Variants in SH3RF3 observed in about 807,000 individuals in gnomAD.
The protein encoded by SH3RF3 is SH3 domain containing ring finger 3.
SH3RF3 carries 29 observed loss-of-function variants against 66.3 expected under a neutral mutation model. The observed-to-expected ratio is 0.44, with a 90% CI of 0.33 to 0.60. The LOEUF (loss-of-function observed/expected upper bound fraction) is 0.60, where lower values mean the gene tolerates loss of function less well. Ranked by LOEUF, SH3RF3 falls within the 20% of genes least tolerant of loss-of-function variation. The probability of loss-of-function intolerance (pLI) is 0.04; values close to 1 mark genes in which losing one functional copy is unlikely to be tolerated. For missense variants in SH3RF3, 1,194 were observed against 1,190.9 expected (o/e 1.00, Z -0.04); for synonymous variants, 583 against 532.0 (o/e 1.10, Z -1.32).
rs1354158967 is a variant in SH3RF3, at chr2:109,249,566, TCC to T, written c.574-98107_574-98106del. 6.4e-4 allele frequency among the ~76,000 whole-genome samples: 89 copies of T among 139,884 alleles called. 1 individual carries two copies. Among genetic ancestry groups the T allele is most frequent in the South Asian group, 1.3e-3 (6 of 4,454 alleles). 91.8% of individuals were successfully genotyped at this position (139,884 alleles called of 152,430 possible). A position where few individuals can be genotyped will look rare whatever the true frequency, so the allele number is the denominator to read the frequency against. On this transcript the variant is annotated intron_variant, in intron 1 of 9. Coordinates refer to ENST00000309415, the MANE Select transcript of SH3RF3 (RefSeq NM_001099289.3). Reference sequence around the variant, plus strand: ...TTCCTTCCTTCCTTCCTTCCTTCCTTCCTTCCTTCCTTCCTTCCTTTCCTTTC... The same window carrying T: ...TTCCTTCCTTCCTTCCTTCCTTCCTTTTCCTTCCTTCCTTCCTTTCCTTTC...
chr2:109,485,768 TC>T (rs1341612299), intron 8 of SH3RF3, among the ~76,000 whole-genome samples: 3 of 152,256 alleles, frequency 2.0e-5, no homozygotes, highest in African/African-American at 7.2e-5. Context: ...TGGATATAAC[TC>T]ATAAGCTCTC....
At chr2:109,391,377 A>G (rs1573214185) in intron 3 of SH3RF3, among the ~76,000 whole-genome samples, 2 of 152,190 alleles carry the variant, frequency 1.3e-5, no homozygotes, top group Non-Finnish European at 2.9e-5. Context: ...CACATCTGCC[A>G]TGTGCTGGAG....
chr2:109,266,908 C>T (rs1045868534), intron 1 of SH3RF3, among the ~76,000 whole-genome samples: 52 of 152,300 alleles, frequency 3.4e-4, no homozygotes, highest in African/African-American at 1.2e-3. Context: ...TGATGTATGT[C>T]CCTGAGCAGG....
chr2:109,395,253 G>A (rs1472206681), intron 3 of SH3RF3, among the ~76,000 whole-genome samples: 1 of 152,136 alleles, frequency 6.6e-6, no homozygotes, highest in Non-Finnish European at 1.5e-5. Context: ...TGTGTGTAGA[G>A]ATGCATCTGC....
At chr2:109,325,397 A>C (rs1360897431) in intron 1 of SH3RF3, among the ~76,000 whole-genome samples, 1 of 124,504 alleles carries the variant, frequency 8.0e-6, no homozygotes, top group Non-Finnish European at 1.6e-5. Context: ...GCTGGAGTAC[A>C]GTGGTGTGAT....
At chr2:109,188,190 G>A (rs1678247670) in intron 1 of SH3RF3, among the ~76,000 whole-genome samples, 1 of 152,224 alleles carries the variant, frequency 6.6e-6, no homozygotes, top group Middle Eastern at 3.2e-3. Flanking sequence ...CTTGCTCCCT[G>A]GGCCCGAAGG....
chr2:109,306,317 T>A (rs1362971445), intron 1 of SH3RF3, among the ~76,000 whole-genome samples: 1 of 152,188 alleles, frequency 6.6e-6, no homozygotes, highest in Non-Finnish European at 1.5e-5. Context: ...TGCGATGTTG[T>A]TCTGACCCCT....
intron 1 of SH3RF3, among the ~76,000 whole-genome samples, chr2:109,216,202 A>G (rs1679098220): frequency 6.6e-6 from 1 of 152,192 alleles, no homozygotes; most frequent in South Asian, 2.1e-4. Context: ...GCACCTGCCC[A>G]TCATTGCATC....
intron 3 of SH3RF3, among the ~76,000 whole-genome samples, chr2:109,384,769 C>G (rs1675780456): frequency 6.6e-6 from 1 of 152,158 alleles, no homozygotes. Context: ...GTTTCGAGCT[C>G]TGGTCATAGG....
chr2:109,459,274 ATACT>A (rs1273560315), intron 8 of SH3RF3, among the ~76,000 whole-genome samples: 27 of 152,296 alleles, frequency 1.8e-4, no homozygotes, highest in East Asian at 1.2e-3. Context: ...ATAGGAGGAA[ATACT>A]TACAACAGTT....
chr2:109,479,926 C>T (rs564331682), intron 8 of SH3RF3, among the ~76,000 whole-genome samples: 1 of 152,238 alleles, frequency 6.6e-6, no homozygotes, highest in South Asian at 2.1e-4. Flanking sequence ...TGCTCCAGCC[C>T]AGCCCGGTTT....
intron 1 of SH3RF3, among the ~76,000 whole-genome samples, chr2:109,301,839 G>A (rs1375669399): frequency 6.6e-6 from 1 of 152,140 alleles, no homozygotes; most frequent in Non-Finnish European, 1.5e-5. Flanking sequence ...TGCCTCTTTA[G>A]CATGTTTGAG....
Position 109,490,743 on chromosome 2 carries a change from G to A in SH3RF3, c.2287G>A (p.Glu763Lys), listed in dbSNP as rs765405754. The A allele has an allele frequency of 4.1e-5, 63 of 1,536,230 alleles. No homozygotes were observed. Among genetic ancestry groups the A allele is most frequent in the East Asian group, 1.2e-4 (5 of 40,866 alleles). Reference protein sequence around the residue: ...DALLQGAVGPEVSSLSIHGRA... With the variant: ...DALLQGAVGPKVSSLSIHGRA... ...CCTGCTCCAAGGTGCAGTGGGCCCC[G>A]AAGTGTCCTCACTGTCCATCCACGG... is the stretch of plus-strand genomic sequence containing the variant. The change falls in exon 9 of 10, where the codon GAA (glutamate) becomes AAA (lysine). Residue 763 changes from glutamate (E) to lysine (K), a missense_variant. Glu to Lys is a moderately conservative substitution (Grantham distance 56). Transcript: ENST00000309415.
At chr2:109,378,957 T>A (rs929309397) in intron 3 of SH3RF3, among the ~76,000 whole-genome samples, 1 of 152,198 alleles carries the variant, frequency 6.6e-6, no homozygotes, top group East Asian at 1.9e-4. Context: ...TCTCTACAGC[T>A]CCCTCCTCTC....
chr2:109,202,933 A>G (rs1009840382), intron 1 of SH3RF3, among the ~76,000 whole-genome samples: 5 of 152,242 alleles, frequency 3.3e-5, no homozygotes, highest in Non-Finnish European at 7.3e-5. Context: ...GTGTCATGGA[A>G]GGAATGCAAA....
intron 1 of SH3RF3, among the ~76,000 whole-genome samples, chr2:109,279,920 TGGG>T (rs1680843615): frequency 6.7e-6 from 1 of 149,662 alleles, no homozygotes; most frequent in East Asian, 2.0e-4. Context: ...GGGAGGTAAT[TGGG>T]GGGCGGTAAG....
intron 1 of SH3RF3, among the ~76,000 whole-genome samples, chr2:109,294,350 C>G: frequency 6.6e-6 from 1 of 152,134 alleles, no homozygotes; most frequent in Non-Finnish European, 1.5e-5. Context: ...CGCTTGAGTC[C>G]AGGAGCTCGA....
At chr2:109,336,216 A>G (rs564838195) in intron 1 of SH3RF3, among the ~76,000 whole-genome samples, 1 of 152,348 alleles carries the variant, frequency 6.6e-6, no homozygotes, top group Admixed American at 6.5e-5. Flanking sequence ...CTGCAGGAGA[A>G]GGATTCTCCC....
intron 1 of SH3RF3, among the ~76,000 whole-genome samples, chr2:109,233,600 A>G (rs1679571755): frequency 6.6e-6 from 1 of 152,188 alleles, no homozygotes; most frequent in Admixed American, 6.5e-5. Context: ...TCCAGGCTTG[A>G]GGGTGGGGCC....
Sources: allele counts gnomAD v4.1 joint callset (sites outside exome capture counted in the v4.1 genomes callset), GRCh38; gene constraint gnomAD v4.1.1; transcripts MANE v1.5; gene names NCBI Gene and HGNC (gene_info 2026-07-23, HGNC 2026-07-21).